GSE1: variants seen among roughly 807,000 people sequenced by gnomAD.
GSE1 encodes Gse1 coiled-coil protein.
In GSE1, 32 loss-of-function variants were observed where a neutral mutation model predicts 112.6. The observed-to-expected ratio is 0.28, with a 90% confidence interval of 0.21 to 0.38. The LOEUF (loss-of-function observed/expected upper bound fraction) is 0.38. GSE1 is among the 10% of genes least tolerant of loss of function. The pLI is 1.00. For missense variants in GSE1, 2,348 were observed against 1,699.2 expected (o/e 1.38, Z -6.71); for synonymous variants, 1,115 against 735.6 (o/e 1.52, Z -8.35).
chr16:85,348,639 A>G (rs762980710), intron 1 of GSE1, among the ~76,000 whole-genome samples: 5 of 152,102 alleles, frequency 3.3e-5, no homozygotes, highest in Non-Finnish European at 7.3e-5. Context: ...ACCTCTGCCC[A>G]CTTTCTGTCC....
chr16:85,180,075 C>A (rs189394384), intron 1 of GSE1, among the ~76,000 whole-genome samples: 1 of 152,370 alleles, frequency 6.6e-6, no homozygotes, highest in African/African-American at 2.4e-5. Flanking sequence ...GCTCTGTGAG[C>A]CCATGGCTCT....
chr16:85,568,315 G>A (rs2045844204), intron 1 of GSE1, among the ~76,000 whole-genome samples: 3 of 152,202 alleles, frequency 2.0e-5, no homozygotes, highest in Admixed American at 2.0e-4. Context: ...CCTCCGGGGT[G>A]GGCCTCCACA....
chr16:85,544,396 C>T (rs1475273190), intron 2 of GSE1, among the ~76,000 whole-genome samples: 1 of 152,126 alleles, frequency 6.6e-6, no homozygotes, highest in South Asian at 2.1e-4. Context: ...AGGCATGACC[C>T]GCTGGAGGGC....
rs2048582892 is a variant in GSE1 at position 85,619,379 on chromosome 16, C to A, written c.7+5981C>A. Among the ~76,000 whole-genome samples, 3 of 151,110 alleles carry A rather than the reference C, an allele frequency of 2.0e-5. No homozygotes were observed. The South Asian group carries it at 6.2e-4, about 31-fold the overall frequency. On this transcript the variant is annotated intron_variant, in intron 1 of 15. Transcript: ENST00000253458. ...AGGTTAAGCCGTCCCGAAGGAAAAT[C>A]TATATGTCAAGCTGAGCACAAGACA...
In GSE1 at chr16:85,320,734, C is replaced by A. The variant is rs575989177; in HGVS notation, c.2284-36729C>A. Among the ~76,000 whole-genome samples the A allele has an allele frequency of 2.0e-5, 3 of 152,342 alleles. No individual in the cohort carries two copies. In the South Asian group the frequency reaches 6.2e-4, roughly 32 times the overall value. On this transcript the variant is annotated intron_variant, in intron 1 of 2. Coordinates refer to the GSE1 transcript ENST00000637419. ...GACTTCTCGGGGAACACTGTTCCAG[C>A]CATTGCACTTGTTCTCCCAAGGATG...
intron 2 of GSE1, among the ~76,000 whole-genome samples, chr16:85,485,882 T>C (rs2050819054): frequency 6.6e-6 from 1 of 152,148 alleles, no homozygotes; most frequent in African/African-American, 2.4e-5. Flanking sequence ...ACACCGATGT[T>C]CTTCCCCCAA....
chr16:85,189,861 G>GT (rs2074785775), intron 1 of GSE1, among the ~76,000 whole-genome samples: 1 of 152,098 alleles, frequency 6.6e-6, no homozygotes, highest in South Asian at 2.1e-4. Context: ...CTGTAATGAT[G>GT]TCCCCCCTTT....
intron 1 of GSE1, among the ~76,000 whole-genome samples, chr16:85,344,337 C>A (rs138646945): frequency 1.3e-5 from 2 of 152,258 alleles, no homozygotes; most frequent in Non-Finnish European, 2.9e-5. Flanking sequence ...TTGTGAGCAG[C>A]CCGCGCGTTG....
At chr16:85,601,283 G>C (rs759793694) in intron 1 of GSE1, among the ~76,000 whole-genome samples, 4 of 152,160 alleles carry the variant, frequency 2.6e-5, no homozygotes, top group Non-Finnish European at 4.4e-5. Context: ...TGAGGGGTGG[G>C]AGGGGAGCAG....
rs544298421 is a variant in GSE1, at chr16:85,360,253, CG to C, written c.2464+2615del. Reference sequence around the variant, plus strand: ...GCGTACTAGCGGGGTACGTTGGGGGCGGGGGCCTGAGAGTCTGGGGGTGCCA... The same window carrying C: ...GCGTACTAGCGGGGTACGTTGGGGGCGGGGCCTGAGAGTCTGGGGGTGCCA... On this transcript the variant is annotated intron_variant, in intron 2 of 2. Transcript: ENST00000637419. 4.1e-3 allele frequency among the ~76,000 whole-genome samples: 621 copies of C among 150,484 alleles called. 3 individuals are homozygous for C. The highest frequency in any genetic ancestry group is 5.6e-3 in the Non-Finnish European group (381 of 67,588).
intron 1 of GSE1, among the ~76,000 whole-genome samples, chr16:85,228,920 T>G (rs1416021678): frequency 2.0e-5 from 3 of 152,234 alleles, no homozygotes; most frequent in Non-Finnish European, 4.4e-5. Flanking sequence ...CCGAAGGAGT[T>G]AAGCCATCCC....
intron 2 of GSE1, among the ~76,000 whole-genome samples, chr16:85,464,403 G>T (rs2050066292): frequency 6.6e-6 from 1 of 152,296 alleles, no homozygotes; most frequent in African/African-American, 2.4e-5. Flanking sequence ...AAGTGAACCT[G>T]CAAAACTCTC....
intron 1 of GSE1, among the ~76,000 whole-genome samples, chr16:85,315,000 A>G (rs896821331): frequency 1.3e-5 from 2 of 152,218 alleles, no homozygotes; most frequent in African/African-American, 4.8e-5. Flanking sequence ...TAGTGTTTGC[A>G]ATCAGGGCCA....
At chr16:85,411,607 GC>G (rs1201197876) in intron 2 of GSE1, among the ~76,000 whole-genome samples, 1 of 13,608 alleles carries the variant, frequency 7.3e-5, no homozygotes, top group Admixed American at 8.2e-4. Context: ...TACACTCAGG[GC>G]CCCCCCGGAT....
intron 1 of GSE1, among the ~76,000 whole-genome samples, chr16:85,248,356 T>C (rs946391829): frequency 6.6e-6 from 1 of 152,146 alleles, no homozygotes; most frequent in Admixed American, 6.5e-5. Flanking sequence ...AGCTCTGTCT[T>C]TCTCTCTCCT....
intron 1 of GSE1, among the ~76,000 whole-genome samples, chr16:85,243,976 A>G (rs1945589823): frequency 6.6e-6 from 1 of 152,198 alleles, no homozygotes; most frequent in African/African-American, 2.4e-5. Context: ...AAAATACAAA[A>G]TTAGCCAGGT....
intron 2 of GSE1, among the ~76,000 whole-genome samples, chr16:85,635,104 T>C (rs778038904): frequency 6.6e-6 from 1 of 152,166 alleles, no homozygotes; most frequent in Non-Finnish European, 1.5e-5. Context: ...GGTTCCAGCT[T>C]GGCAGAGGGG....
chr16:85,429,985 C>T (rs757761412), intron 2 of GSE1, among the ~76,000 whole-genome samples: 1 of 152,198 alleles, frequency 6.6e-6, no homozygotes, highest in African/African-American at 2.4e-5. Flanking sequence ...TGCGGGGGCT[C>T]GGTAAAAACG....
At chr16:85,488,250 A>G (rs1424515499) in intron 2 of GSE1, among the ~76,000 whole-genome samples, 1 of 151,974 alleles carries the variant, frequency 6.6e-6, no homozygotes, top group African/African-American at 2.4e-5. Flanking sequence ...CCCATCTAGC[A>G]TCCTCGTCCT....
Sources: allele counts gnomAD v4.1 joint callset (sites outside exome capture counted in the v4.1 genomes callset), GRCh38; gene constraint gnomAD v4.1.1; transcripts MANE v1.5; gene names NCBI Gene and HGNC (gene_info 2026-07-23, HGNC 2026-07-21).